Variants in TBXAS1 observed in about 807,000 individuals in gnomAD.
TBXAS1 encodes thromboxane-A synthase.
TBXAS1 carries 48 observed loss-of-function variants against 60.7 expected under a neutral mutation model. The ratio of observed to expected loss-of-function variants is 0.79; its 90% CI spans 0.63 to 1.01. TBXAS1 has a LOEUF of 1.01. Among genes scored for constraint, TBXAS1 ranks in the 50% least tolerant of loss-of-function variants. TBXAS1 has a pLI of 0.00. For missense variants in TBXAS1, 685 were observed against 686.3 expected (o/e 1.00, Z 0.02); for synonymous variants, 287 against 269.7 (o/e 1.06, Z -0.63).
chr7:139,996,133 ATT>A (rs879520998), intron 9 of TBXAS1, among the ~76,000 whole-genome samples: 19 of 136,162 alleles, frequency 1.4e-4, no homozygotes, highest in Non-Finnish European at 1.9e-4. Flanking sequence ...CATGTCTGGC[ATT>A]TTTTTTTTTT....
At chr7:139,984,772 GAAAGAAAGA>G (rs1812281279) in intron 9 of TBXAS1, among the ~76,000 whole-genome samples, 1 of 44,184 alleles carries the variant, frequency 2.3e-5, no homozygotes, top group South Asian at 7.2e-4. Context: ...AAGCAGGAAA[GAAAGAAAGA>G]AAAGAAAGAA....
intron 9 of TBXAS1, among the ~76,000 whole-genome samples, chr7:139,996,459 C>G (rs539952639): frequency 2.6e-5 from 4 of 152,172 alleles, no homozygotes; most frequent in Non-Finnish European, 5.9e-5. Flanking sequence ...TACCATCTCC[C>G]CACTTCTACG....
At chr7:139,936,401 C>T in intron 5 of TBXAS1, 94 bp downstream of exon 5, 3 of 1,232,420 alleles carry the variant, frequency 2.4e-6, no homozygotes, top group Non-Finnish European at 3.6e-6. Context: ...CATCACTTGC[C>T]CAGGTGACAC....
At chr7:139,907,230 C>G (rs1805175210) in intron 3 of TBXAS1, among the ~76,000 whole-genome samples, 1 of 152,122 alleles carries the variant, frequency 6.6e-6, no homozygotes, top group Non-Finnish European at 1.5e-5. Flanking sequence ...GAGTGTTTAT[C>G]ATGAACAAGT....
intron 9 of TBXAS1, among the ~76,000 whole-genome samples, chr7:139,967,392 G>A (rs547460718): frequency 1.0e-3 from 154 of 152,340 alleles, no homozygotes; most frequent in African/African-American, 3.6e-3. Context: ...TGGGAGTAGG[G>A]AGGACCCTCT....
intron 1 of TBXAS1, among the ~76,000 whole-genome samples, chr7:139,842,865 C>G (rs1423520414): frequency 6.6e-6 from 1 of 152,208 alleles, no homozygotes; most frequent in African/African-American, 2.4e-5. Context: ...AACACAATCT[C>G]AGAAAGAGGC....
chr7:139,873,949 C>T (rs1802020607), intron 2 of TBXAS1, among the ~76,000 whole-genome samples: 1 of 152,156 alleles, frequency 6.6e-6, no homozygotes, highest in African/African-American at 2.4e-5. Flanking sequence ...TCCCCCATCC[C>T]TACCTCCGGA....
At chr7:139,951,838 AGAAAGAAGGAAG>A (rs1226609949) in intron 5 of TBXAS1, among the ~76,000 whole-genome samples, 4 of 26,872 alleles carry the variant, frequency 1.5e-4, no homozygotes, top group African/African-American at 4.2e-4. Context: ...GAGGAAAGAA[AGAAAGAAGGAAG>A]GAAGGAAGGA....
chr7:139,996,247 G>A (rs1284551425), intron 9 of TBXAS1, among the ~76,000 whole-genome samples: 1 of 151,818 alleles, frequency 6.6e-6, no homozygotes, highest in Non-Finnish European at 1.5e-5. Context: ...GATTACAGGC[G>A]TGAGCCACCG....
chr7:139,934,820 C>T (rs1488515250), intron 4 of TBXAS1, among the ~76,000 whole-genome samples: 1 of 152,042 alleles, frequency 6.6e-6, no homozygotes, highest in Admixed American at 6.5e-5. Context: ...ACCTTAATTA[C>T]CTCTTTTTTT....
intron 4 of TBXAS1, among the ~76,000 whole-genome samples, chr7:139,811,938 C>T (rs1184819053): frequency 6.6e-6 from 1 of 152,196 alleles, no homozygotes; most frequent in Non-Finnish European, 1.5e-5. Flanking sequence ...ATTTCAGGAG[C>T]ATGCCTGAAG....
At chr7:139,871,981 T>C (rs1452772646) in intron 1 of TBXAS1, among the ~76,000 whole-genome samples, 1 of 152,164 alleles carries the variant, frequency 6.6e-6, no homozygotes, top group Non-Finnish European at 1.5e-5. Flanking sequence ...GACTACATCA[T>C]CTGTAAGGCA....
At chr7:139,879,056 T>C (rs952042544) in intron 3 of TBXAS1, among the ~76,000 whole-genome samples, 1 of 152,210 alleles carries the variant, frequency 6.6e-6, no homozygotes, top group Non-Finnish European at 1.5e-5. Context: ...TTCAAGAGTT[T>C]GAGGCTCAAA....
At chr7:139,982,367 T>C (rs1585000962) in intron 9 of TBXAS1, among the ~76,000 whole-genome samples, 1 of 152,276 alleles carries the variant, frequency 6.6e-6, no homozygotes, top group African/African-American at 2.4e-5. Flanking sequence ...GGGACCTTGA[T>C]ATCTTTAGAC....
In TBXAS1 at chr7:140,004,075, T is replaced by C. The variant is rs758930412; in HGVS notation, c.1135-3016T>C. On this transcript the variant is annotated intron_variant, in intron 9 of 12. Transcript: ENST00000448866. The surrounding 1 kb of genome is among the most constrained non-coding windows in gnomAD (Gnocchi z 5.1). ...CCACAAGGCCGAATGTGGCCAACAA[T>C]GGGTCTCCACTTCCCTGTGTTCAAT... 1.3e-5 allele frequency among the ~76,000 whole-genome samples: 2 copies of C among 152,250 alleles called. No individual in the cohort carries two copies. The highest frequency in any genetic ancestry group is 2.9e-5 in the Non-Finnish European group (2 of 68,044).
At chr7:139,831,593 T>C (rs566360922) in intron 1 of TBXAS1, among the ~76,000 whole-genome samples, 2 of 152,316 alleles carry the variant, frequency 1.3e-5, no homozygotes, top group East Asian at 3.9e-4. Context: ...ACATGTGCCA[T>C]CCAGCCAGGT....
chr7:139,912,877 C>T (rs79121841), intron 4 of TBXAS1, among the ~76,000 whole-genome samples: 3,232 of 152,266 alleles, frequency 0.021, 106 homozygotes, highest in African/African-American at 0.072. Context: ...TTCAGAGAGG[C>T]TAAATGATCA....
At chr7:139,945,475 T>G (rs1294398906) in intron 5 of TBXAS1, among the ~76,000 whole-genome samples, 1 of 152,248 alleles carries the variant, frequency 6.6e-6, no homozygotes, top group Non-Finnish European at 1.5e-5. Flanking sequence ...AATCTGTTCA[T>G]GTTTCTTGGG....
chr7:139,957,594 C>G, intron 7 of TBXAS1, 40 bp from the exon 8 acceptor site: 3 of 1,613,624 alleles, frequency 1.9e-6, no homozygotes, highest in Non-Finnish European at 2.5e-6. Flanking sequence ...GGTTTATTAT[C>G]ACCCCCTTTT....
Sources: gnomAD v4.1 joint callset for allele counts (sites outside exome capture counted in the v4.1 genomes callset) on GRCh38, gnomAD v4.1.1 for gene constraint, Gnocchi (gnomAD v3.1) non-coding constraint, MANE v1.5 for transcripts, NCBI Gene and HGNC (gene_info 2026-07-23, HGNC 2026-07-21) for gene names.